TM2D1: variants seen among roughly 807,000 people sequenced by gnomAD.
The protein encoded by TM2D1 is TM2 domain containing 1, also known as TM2 domain-containing protein 1.
TM2D1 carries 15 observed loss-of-function variants against 28.4 expected under a neutral mutation model. The ratio of observed to expected loss-of-function variants is 0.53; its 90% CI spans 0.35 to 0.81. TM2D1 has a LOEUF of 0.81. TM2D1 is among the 40% of genes least tolerant of loss of function. TM2D1 has a pLI of 0.01. For synonymous variants in TM2D1, 93 were observed against 96.2 expected (o/e 0.97, Z 0.20); for missense variants, 236 against 254.9 (o/e 0.93, Z 0.50).
At chr1:61,708,969 A>G (rs1644458834) in intron 3 of TM2D1, among the ~76,000 whole-genome samples, 1 of 152,136 alleles carries the variant, frequency 6.6e-6, no homozygotes, top group East Asian at 1.9e-4. Flanking sequence ...GTTCGAGACC[A>G]GCGCTGGGAA....
At chr1:61,685,347 T>C (rs1644277816) in intron 5 of TM2D1, among the ~76,000 whole-genome samples, 1 of 152,248 alleles carries the variant, frequency 6.6e-6, no homozygotes, top group Non-Finnish European at 1.5e-5. Flanking sequence ...AACTAGAAGT[T>C]ATATCCTTTG....
chr1:61,684,833 C>T (rs956645944), intron 5 of TM2D1, among the ~76,000 whole-genome samples: 2 of 152,146 alleles, frequency 1.3e-5, no homozygotes, highest in African/African-American at 4.8e-5. Context: ...GGCTGGAGTG[C>T]AATGGCATGA....
intron 3 of TM2D1, 33 bp from the exon 4 acceptor site, chr1:61,701,058 C>G: frequency 1.3e-6 from 2 of 1,508,720 alleles, no homozygotes; most frequent in Non-Finnish European, 1.8e-6. Flanking sequence ...TATCATATTT[C>G]CAATGTGAAC....
chr1:61,715,701 GAAAAGA>G (rs1026557041), intron 2 of TM2D1, among the ~76,000 whole-genome samples: 6 of 103,906 alleles, frequency 5.8e-5, no homozygotes, highest in African/African-American at 1.3e-4. Flanking sequence ...AAAAAGCAAA[GAAAAGA>G]AAAAGAAAAA....
chr1:61,691,945 A>G (rs1220533912), intron 5 of TM2D1, among the ~76,000 whole-genome samples: 3 of 130,552 alleles, frequency 2.3e-5, no homozygotes, highest in Non-Finnish European at 5.0e-5. Context: ...ATATATATAT[A>G]TATATATATA....
In TM2D1 at chr1:61,709,317, T is replaced by C. The variant is rs1361061327; in HGVS notation, c.347+12A>G. 1 of 1,557,896 alleles carries C rather than the reference T, an allele frequency of 6.4e-7. No homozygotes were observed. Among genetic ancestry groups the C allele is most frequent in the South Asian group, 1.1e-5 (1 of 88,306 alleles). On this transcript the variant is annotated intron_variant, in intron 3 of 6. Transcript: ENST00000606498. Reference sequence around the variant, plus strand: ...AGTAATCTGAAAATTTAAGTTTCAGTAATGTACTTACACATTTCGGCAAGA... The same window carrying C: ...AGTAATCTGAAAATTTAAGTTTCAGCAATGTACTTACACATTTCGGCAAGA...
intron 2 of TM2D1, among the ~76,000 whole-genome samples, chr1:61,721,405 G>T (rs1570132576): frequency 1.3e-5 from 2 of 151,842 alleles, no homozygotes; most frequent in East Asian, 3.9e-4. Flanking sequence ...AGCTGGGCAT[G>T]GTGGTGCACG....
chr1:61,707,065 G>A (rs1644446873), intron 3 of TM2D1, among the ~76,000 whole-genome samples: 1 of 151,968 alleles, frequency 6.6e-6, no homozygotes, highest in South Asian at 2.1e-4. Context: ...GACCAGCCTG[G>A]GCAACATGGT....
chr1:61,720,040 A>G (rs1339567848), intron 2 of TM2D1, among the ~76,000 whole-genome samples: 1 of 152,186 alleles, frequency 6.6e-6, no homozygotes, highest in Non-Finnish European at 1.5e-5. Flanking sequence ...CGTTTGTGAA[A>G]ATCATCTGAA....
intron 1 of TM2D1, among the ~76,000 whole-genome samples, chr1:61,724,035 C>T (rs1357383283): frequency 1.3e-5 from 2 of 152,128 alleles, no homozygotes; most frequent in Non-Finnish European, 2.9e-5. Flanking sequence ...TCTGTCTCTA[C>T]AAATAATATA....
rs1168397747 is a variant in TM2D1, at chr1:61,681,226, TAACTC to T, written c.*139_*143del. 4 of 152,684 alleles carry T rather than the reference TAACTC, an allele frequency of 2.6e-5. No homozygotes were observed. Among genetic ancestry groups the T allele is most frequent in the African/African-American group, 9.7e-5 (4 of 41,434 alleles). 9.5% of individuals were successfully genotyped at this position (152,684 alleles called of 1,614,324 possible). On this transcript the variant is annotated 3_prime_UTR_variant, in exon 7 of 7. Coordinates refer to ENST00000606498, the MANE Select transcript of TM2D1 (RefSeq NM_032027.3). The stretch of plus-strand genomic sequence containing the variant: ...AAATAAATCTCACAATAATATACTT[TAACTC>T]AACAAAACAAAAACCACAAAAAATT...
intron 2 of TM2D1, among the ~76,000 whole-genome samples, chr1:61,722,691 C>T (rs1253565942): frequency 6.6e-6 from 1 of 152,168 alleles, no homozygotes; most frequent in Non-Finnish European, 1.5e-5. Flanking sequence ...TGTAAGTAAT[C>T]CTTTCCTTTG....
intron 5 of TM2D1, chr1:61,686,796 T>A (rs567953184): frequency 2.1e-6 from 2 of 971,716 alleles, no homozygotes; most frequent in East Asian, 1.1e-4. Flanking sequence ...ACAAACCTTT[T>A]AAAATATCCC....
intron 2 of TM2D1, among the ~76,000 whole-genome samples, chr1:61,713,524 A>G (rs2799626): frequency 0.3 from 44,109 of 149,416 alleles, 7,274 homozygotes; most frequent in African/African-American, 0.43. Context: ...GGGTCTGCAA[A>G]AGTATCTATA....
intron 2 of TM2D1, among the ~76,000 whole-genome samples, chr1:61,710,593 C>G (rs1006686181): frequency 2.6e-5 from 4 of 150,978 alleles, no homozygotes; most frequent in African/African-American, 9.7e-5. Context: ...GCAGAAGGCA[C>G]AGTATATTGC....
rs768461684 is a variant in TM2D1 at position 61,721,951 on chromosome 1, TAAAAAAAAAAAAAAA to T, written c.238+1747_238+1761del. ...ATAGGGAGACCCTCATCTCTACAGC[TAAAAAAAAAAAAAAA>T]AAAAAAAAAAAAGTCAGGGAGCCAG... is the stretch of plus-strand genomic sequence containing the variant. On this transcript the variant is annotated intron_variant, in intron 2 of 6. Transcript: ENST00000606498. 4.4e-3 allele frequency among the ~76,000 whole-genome samples: 193 copies of T among 44,028 alleles called. 2 individuals are homozygous for T. The highest frequency in any genetic ancestry group is 0.018 in the African/African-American group (183 of 10,224). The allele number at this position is 44,028 out of a possible 152,430, so 28.9% of individuals were successfully genotyped here.
rs531158958 is a variant in TM2D1, at chr1:61,717,230, T to C, written c.238+6483A>G. ...AAAAAAAAAAACAATTAGCCGGGCG[T>C]GGTGGCGGGCACCTCTAGTCCCAGC... is the stretch of plus-strand genomic sequence containing the variant. On this transcript the variant is annotated intron_variant, in intron 2 of 6. Coordinates refer to ENST00000606498, the MANE Select transcript of TM2D1 (RefSeq NM_032027.3). 2.8e-3 allele frequency among the ~76,000 whole-genome samples: 416 copies of C among 151,062 alleles called. 5 individuals are homozygous for C. Among genetic ancestry groups the C allele is most frequent in the African/African-American group, 9.3e-3 (382 of 41,186 alleles).
At chr1:61,707,538 G>T (rs957862185) in intron 3 of TM2D1, among the ~76,000 whole-genome samples, 1 of 151,964 alleles carries the variant, frequency 6.6e-6, no homozygotes, top group African/African-American at 2.4e-5. Context: ...ATAAATTTAG[G>T]TATTGACTAA....
chr1:61,708,703 A>T (rs1482555373), intron 3 of TM2D1, among the ~76,000 whole-genome samples: 1 of 152,250 alleles, frequency 6.6e-6, no homozygotes, highest in Non-Finnish European at 1.5e-5. Flanking sequence ...TTTGTACTCT[A>T]GAAATCTCCC....
Sources: allele counts gnomAD v4.1 joint callset (sites outside exome capture counted in the v4.1 genomes callset), GRCh38; gene constraint gnomAD v4.1.1; transcripts MANE v1.5; gene names NCBI Gene and HGNC (gene_info 2026-07-23, HGNC 2026-07-21).